Variants in CHD9 observed in about 807,000 individuals in gnomAD.
The protein encoded by CHD9 is ATP-dependent chromatin remodeler CHD9.
Under a neutral mutation model 316.1 loss-of-function variants are expected in CHD9, and 77 were observed. That is an observed-to-expected ratio of 0.24 (90% confidence interval 0.20 to 0.29). The LOEUF is 0.29. CHD9 is among the 10% of genes least tolerant of loss of function. The pLI is 1.00. For synonymous variants in CHD9, 1,129 were observed against 1,158.3 expected, an observed-to-expected ratio of 0.97 and a Z score of 0.51; for missense variants, 2,763 against 3,438.1, an observed-to-expected ratio of 0.80 and a Z score of 4.91.
chr16:53,238,287 T>C (rs1409428270), intron 11 of CHD9, 56 bp from the exon 12 acceptor site: 11 of 1,408,916 alleles, frequency 7.8e-6, no homozygotes, highest in Non-Finnish European at 1.1e-5. Flanking sequence ...TATTTATCTT[T>C]AAAGTATAGA....
chr16:53,113,679 T>C (rs2038047643), intron 1 of CHD9, among the ~76,000 whole-genome samples: 1 of 151,944 alleles, frequency 6.6e-6, no homozygotes, highest in Non-Finnish European at 1.5e-5. Flanking sequence ...GCCTAGTTTT[T>C]TTGTTCTTTT....
chr16:53,221,940 ATAAAG>A (rs1481881467), intron 3 of CHD9, among the ~76,000 whole-genome samples: 13 of 152,330 alleles, frequency 8.5e-5, no homozygotes, highest in South Asian at 6.2e-4. Flanking sequence ...CTGCAAGATA[ATAAAG>A]TAAACACAGT....
intron 23 of CHD9, 65 bp downstream of exon 23, chr16:53,273,850 T>G (rs1222886526): frequency 7.1e-7 from 1 of 1,417,450 alleles, no homozygotes; most frequent in African/African-American, 1.4e-5. Flanking sequence ...ATTAATACTC[T>G]TTAAGCTTGC....
At chr16:53,073,956 T>C (rs1017839079) in intron 1 of CHD9, among the ~76,000 whole-genome samples, 1 of 152,088 alleles carries the variant, frequency 6.6e-6, no homozygotes, top group Admixed American at 6.5e-5. Context: ...TAGGCAGAGA[T>C]TGGAACAGTT....
At chr16:53,134,182 G>A (rs2039549054) in intron 1 of CHD9, among the ~76,000 whole-genome samples, 1 of 152,194 alleles carries the variant, frequency 6.6e-6, no homozygotes, top group Non-Finnish European at 1.5e-5. Flanking sequence ...ATGGAAACTT[G>A]AGGCAGTTGG....
rs4783807 is a variant in CHD9 at position 53,247,005 on chromosome 16, A to G, written c.3455-288A>G. Among the ~76,000 whole-genome samples the G allele has an allele frequency of 0.45, 67,682 of 152,072 alleles. 15,476 individuals are homozygous for G. Among genetic ancestry groups the G allele is most frequent in the South Asian group, 0.57 (2,759 of 4,816 alleles). ...CCACAGTTTTATTTTTTCCCTAATAACATTCATTAAACATTTGGCAAACAT... is the reference window on the plus strand; with the variant it reads ...CCACAGTTTTATTTTTTCCCTAATAGCATTCATTAAACATTTGGCAAACAT... On this transcript the variant is annotated intron_variant, in intron 15 of 38. Transcript: ENST00000447540.
chr16:53,204,023 CAAAAAAAAAAAAAA>C (rs530552464), intron 2 of CHD9, among the ~76,000 whole-genome samples: 1 of 48,342 alleles, frequency 2.1e-5, no homozygotes, highest in East Asian at 8.0e-4. Context: ...GACTCCATCT[CAAAAAAAAAAAAAA>C]AAAAAAAAAA....
intron 24 of CHD9, among the ~76,000 whole-genome samples, chr16:53,274,776 A>G (rs753943069): frequency 6.6e-5 from 10 of 151,926 alleles, no homozygotes; most frequent in African/African-American, 1.4e-4. Context: ...TTATTTTTCA[A>G]TAACATGATG....
In CHD9 at chr16:53,209,472, GT is replaced by G; in HGVS notation, c.1453-7del. 1 of 1,559,250 alleles carries G rather than the reference GT, an allele frequency of 6.4e-7. No homozygotes were observed. On this transcript the variant is annotated splice_polypyrimidine_tract_variant and intron_variant, in intron 2 of 38. Transcript: ENST00000447540. ...GGTATATTCTATAAAAAATATTTTT[GT>G]TTCTGTAGCCTCCATCTTCCAAGAA...
chr16:53,300,396 GC>G (rs1335038191), intron 30 of CHD9, among the ~76,000 whole-genome samples: 1 of 150,554 alleles, frequency 6.6e-6, no homozygotes, highest in Non-Finnish European at 1.5e-5. Context: ...TTGCCATCCT[GC>G]TTCCAACTGA....
chr16:53,250,162 A>G (rs2050006746), intron 17 of CHD9, 96 bp downstream of exon 17: 1 of 735,010 alleles, frequency 1.4e-6, no homozygotes, highest in Non-Finnish European at 2.2e-6. Context: ...TTATCTGGAC[A>G]AACTAATGTA....
chr16:53,143,711 G>A (rs948026890), intron 1 of CHD9, among the ~76,000 whole-genome samples: 23 of 151,994 alleles, frequency 1.5e-4, no homozygotes, highest in Middle Eastern at 3.2e-3. Context: ...TATATTTTAC[G>A]TTAATAAAAC....
At position 53,245,533 on chromosome 16, in the gene CHD9, A is replaced by G; in HGVS notation, c.3198+54A>G. The G allele has an allele frequency of 6.5e-7, 1 of 1,537,106 alleles. No individual in the cohort carries two copies. Among genetic ancestry groups the G allele is most frequent in the Non-Finnish European group, 8.7e-7 (1 of 1,145,642 alleles). On this transcript the variant is annotated intron_variant, in intron 14 of 38. Coordinates refer to ENST00000447540, the MANE Select transcript of CHD9 (RefSeq NM_001308319.2). This position sits in a 1 kb window ranked among gnomAD's most constrained non-coding sequence, Gnocchi z 4.1. Reference sequence around the variant, plus strand: ...CATCGCATTTCTAATCATTGTAATTATTTTGTATGTGTAATTAAATGCTCA... The same window carrying G: ...CATCGCATTTCTAATCATTGTAATTGTTTTGTATGTGTAATTAAATGCTCA...
chr16:53,237,526 C>T (rs2048734795), intron 11 of CHD9, among the ~76,000 whole-genome samples: 1 of 152,026 alleles, frequency 6.6e-6, no homozygotes, highest in South Asian at 2.1e-4. Context: ...CTTCCTTTTA[C>T]CCTCCCCTCC....
At position 53,171,765 on chromosome 16, in the gene CHD9, T is replaced by C. The variant is rs963045276; in HGVS notation, c.1452+14224T>C. Among the ~76,000 whole-genome samples the C allele has an allele frequency of 2.0e-5, 3 of 151,574 alleles. No individual in the cohort carries two copies. The East Asian group carries it at 5.9e-4, about 30-fold the overall frequency. On this transcript the variant is annotated intron_variant, in intron 2 of 38. Coordinates refer to ENST00000447540, the MANE Select transcript of CHD9 (RefSeq NM_001308319.2). ...TGCTCAGGAGGCTGAGTTGGAGGAT[T>C]ACTTGAGCCCAGGAGACAGGGGTTG...
chr16:53,057,184 A>T (rs1016255260), intron 1 of CHD9, among the ~76,000 whole-genome samples: 22 of 151,978 alleles, frequency 1.4e-4, no homozygotes, highest in African/African-American at 5.1e-4. Flanking sequence ...TTTTTAAAAA[A>T]ATATGTTTGT....
rs552975502 is a variant in CHD9, at chr16:53,157,571, AT to A, written c.1452+33del. On this transcript the variant is annotated intron_variant, in intron 2 of 38. Coordinates refer to ENST00000447540, the MANE Select transcript of CHD9 (RefSeq NM_001308319.2). ...GTAGCTCTTTGCTTTTATTTTGGAG[AT>A]TTGGGGGTAGGGCGGACTGTTAGTC... The A allele has an allele frequency of 1.7e-5, 27 of 1,573,268 alleles. No homozygotes were observed. The African/African-American group carries it at 2.9e-4, about 17-fold the overall frequency.
intron 2 of CHD9, among the ~76,000 whole-genome samples, chr16:53,193,653 T>G (rs2044661392): frequency 6.6e-6 from 1 of 152,202 alleles, no homozygotes; most frequent in Non-Finnish European, 1.5e-5. Context: ...TTCATATTTA[T>G]TGGGTTTTGA....
chr16:53,110,421 ACT>A (rs1203459899), intron 1 of CHD9, among the ~76,000 whole-genome samples: 3 of 152,056 alleles, frequency 2.0e-5, no homozygotes, highest in African/African-American at 7.3e-5. Context: ...ACATAGTGAG[ACT>A]CTGTCTCTAT....
Sources: gnomAD v4.1 joint callset for allele counts (sites outside exome capture counted in the v4.1 genomes callset) on GRCh38, gnomAD v4.1.1 for gene constraint, Gnocchi (gnomAD v3.1) non-coding constraint, MANE v1.5 for transcripts, NCBI Gene and HGNC (gene_info 2026-07-23, HGNC 2026-07-21) for gene names.